Variants in TMX4 observed in about 807,000 individuals in gnomAD.
The protein encoded by TMX4 is thioredoxin related transmembrane protein 4, also known as thioredoxin-related transmembrane protein 4.
In TMX4, 23 loss-of-function variants were observed where a neutral mutation model predicts 33.3. The observed-to-expected ratio is 0.69, with a 90% confidence interval of 0.50 to 0.98. The LOEUF (loss-of-function observed/expected upper bound fraction) is 0.98, where lower values mean the gene tolerates loss of function less well. Ranked by LOEUF, TMX4 falls within the 50% of genes least tolerant of loss-of-function variation. The pLI is 0.00. For synonymous variants in TMX4, 164 were observed against 161.5 expected, an observed-to-expected ratio of 1.02 and a Z score of -0.12; for missense variants, 399 against 448.9, an observed-to-expected ratio of 0.89 and a Z score of 1.01.
chr20:8,015,987 G>C (rs143126994), intron 1 of TMX4, among the ~76,000 whole-genome samples: 63 of 152,104 alleles, frequency 4.1e-4, no homozygotes, highest in Non-Finnish European at 6.9e-4. Context: ...ATTTCTTCTG[G>C]GGGAAAAAGC....
At chr20:8,015,337 C>T (rs542810907) in intron 1 of TMX4, among the ~76,000 whole-genome samples, 3 of 152,198 alleles carry the variant, frequency 2.0e-5, no homozygotes, top group East Asian at 3.9e-4. Context: ...TTTTTGATGT[C>T]GCATGACTGA....
chr20:8,019,632 C>G lies in TMX4; in HGVS notation c.-19G>C. ...CCGCCATGTTGGGCGCCGAGCGAGG[C>G]TTCTCGGCGGGGAGTGTGGGGAAGG... On this transcript the variant is annotated 5_prime_UTR_variant, in exon 1 of 8. Transcript: ENST00000246024. 1 of 1,330,810 alleles carries G rather than the reference C, an allele frequency of 7.5e-7. No homozygotes were observed. Among genetic ancestry groups the G allele is most frequent in the East Asian group, 3.1e-5 (1 of 31,822 alleles). 82.4% of individuals were successfully genotyped at this position (1,330,810 alleles called of 1,614,324 possible).
At chr20:8,008,729 T>G (rs1443514723) in intron 2 of TMX4, among the ~76,000 whole-genome samples, 2 of 152,216 alleles carry the variant, frequency 1.3e-5, no homozygotes, top group Non-Finnish European at 2.9e-5. Context: ...TTTAGTTTAC[T>G]TAAACTCTAA....
At chr20:7,997,504 A>AT (rs2050681532) in intron 4 of TMX4, among the ~76,000 whole-genome samples, 1 of 150,336 alleles carries the variant, frequency 6.7e-6, no homozygotes, top group Admixed American at 6.6e-5. Flanking sequence ...TCCTTTCCTT[A>AT]TTTAAAAAAA....
chr20:8,012,044 T>C (rs1398339213), intron 1 of TMX4, among the ~76,000 whole-genome samples: 1 of 152,160 alleles, frequency 6.6e-6, no homozygotes, highest in Non-Finnish European at 1.5e-5. Flanking sequence ...TAAGTTATTT[T>C]CTATGTAGTT....
intron 5 of TMX4, among the ~76,000 whole-genome samples, chr20:7,988,895 C>T (rs1044953003): frequency 1.8e-4 from 28 of 152,068 alleles, no homozygotes; most frequent in African/African-American, 6.8e-4. Context: ...TAGTGGCAAG[C>T]GCCTATAATC....
Position 7,978,253 on chromosome 20 carries a change from T to C in TMX4, c.*3998A>G, listed in dbSNP as rs1193200495. ...AGAACCAGCCTCCCTCTTCTTTCTC[T>C]CACTTCATACTAAAGATTTTATGCT... On this transcript the variant is annotated 3_prime_UTR_variant, in exon 8 of 8. Coordinates refer to ENST00000246024, the MANE Select transcript of TMX4 (RefSeq NM_021156.4). 6.6e-6 allele frequency: 1 copy of C among 152,202 alleles called. No homozygotes were observed. The highest frequency in any genetic ancestry group is 1.5e-5 in the Non-Finnish European group (1 of 68,036). The allele number at this position is 152,202 out of a possible 1,614,324, so 9.4% of individuals were successfully genotyped here.
At chr20:8,007,386 A>C (rs2050735310) in intron 2 of TMX4, among the ~76,000 whole-genome samples, 1 of 152,100 alleles carries the variant, frequency 6.6e-6, no homozygotes. Context: ...CCATCTTCTC[A>C]ACTCTGGACT....
intron 2 of TMX4, among the ~76,000 whole-genome samples, chr20:8,005,082 C>T (rs894833405): frequency 1.3e-5 from 2 of 152,146 alleles, no homozygotes; most frequent in Admixed American, 6.5e-5. Context: ...TAAAATATAA[C>T]ACTAAAGTAC....
rs1247607844 is a variant in TMX4 at position 8,018,377 on chromosome 20, GGA to G, written c.176+1059_176+1060del. ...GAGAGAGAGAGAGAGAGGAGAGAGA[GGA>G]GAGAGAGAGAGAGGGAGGGAGGGAG... On this transcript the variant is annotated intron_variant, in intron 1 of 7. Transcript: ENST00000246024. Among the ~76,000 whole-genome samples, 216 of 59,474 alleles carry G rather than the reference GGA, an allele frequency of 3.6e-3. 7 individuals carry two copies. Among genetic ancestry groups the G allele is most frequent in the African/African-American group, 0.011 (105 of 9,176 alleles). 39.0% of individuals were successfully genotyped at this position (59,474 alleles called of 152,430 possible).
intron 2 of TMX4, among the ~76,000 whole-genome samples, chr20:8,004,827 A>G (rs79109499): frequency 0.024 from 3,714 of 152,274 alleles, 95 homozygotes; most frequent in East Asian, 0.065. Flanking sequence ...TCCTAGCCTC[A>G]GTTTTCTGAG....
chr20:7,999,949 T>A (rs2050697107), intron 3 of TMX4, 89 bp from the exon 4 acceptor site: 2 of 1,373,308 alleles, frequency 1.5e-6, no homozygotes, highest in East Asian at 4.9e-5. Context: ...TGGTGATACA[T>A]CTGAACGCCA....
At chr20:7,985,687 G>T (rs963326889) in intron 6 of TMX4, among the ~76,000 whole-genome samples, 1 of 152,076 alleles carries the variant, frequency 6.6e-6, no homozygotes, top group East Asian at 1.9e-4. Context: ...TTATTATTTC[G>T]TTAATAAAGT....
intron 6 of TMX4, among the ~76,000 whole-genome samples, chr20:7,986,175 T>C (rs2050630270): frequency 6.6e-6 from 1 of 152,130 alleles, no homozygotes; most frequent in Non-Finnish European, 1.5e-5. Flanking sequence ...ACATGTTAAT[T>C]AGCAAAAAGA....
chr20:8,018,396 GGGA>G (rs1568541013), intron 1 of TMX4, among the ~76,000 whole-genome samples: 1 of 68,178 alleles, frequency 1.5e-5, no homozygotes, highest in African/African-American at 6.2e-5. Context: ...GAGAGAGGGA[GGGA>G]GGGAGGGAGA....
chr20:8,000,379 C>G (rs907083858), intron 3 of TMX4, among the ~76,000 whole-genome samples: 24 of 152,224 alleles, frequency 1.6e-4, no homozygotes, highest in Middle Eastern at 6.8e-3. Flanking sequence ...TCATTCACTA[C>G]TTGGTGCAAC....
At chr20:7,992,584 T>C (rs1490501795) in intron 5 of TMX4, among the ~76,000 whole-genome samples, 4 of 152,192 alleles carry the variant, frequency 2.6e-5, no homozygotes, top group South Asian at 4.1e-4. Context: ...AGCAAGAACA[T>C]AGGGGAGGTT....
chr20:7,982,729 T>C (rs2122849859), intron 7 of TMX4, 108 bp from the exon 8 acceptor site: 1 of 1,280,348 alleles, frequency 7.8e-7, no homozygotes, highest in Non-Finnish European at 1.1e-6. Context: ...TGACAGTTTT[T>C]TCTATCTTGA....
chr20:8,019,038 A>T, intron 1 of TMX4: 1 of 449,936 alleles, frequency 2.2e-6, no homozygotes, highest in Non-Finnish European at 4.4e-6. Context: ...ACATATCTGT[A>T]TCTAAAAGCA....
Sources: gnomAD v4.1 joint callset for allele counts (sites outside exome capture counted in the v4.1 genomes callset) on GRCh38, gnomAD v4.1.1 for gene constraint, MANE v1.5 for transcripts, NCBI Gene and HGNC (gene_info 2026-07-23, HGNC 2026-07-21) for gene names.